Variants in TMEM260 observed in about 807,000 individuals in gnomAD.
TMEM260 encodes protein O-mannosyl-transferase TMEM260.
A neutral mutation model predicts 88.9 loss-of-function variants in TMEM260; 82 were observed. The ratio of observed to expected loss-of-function variants is 0.92; its 90% CI spans 0.77 to 1.11. The LOEUF is 1.11. Among genes scored for constraint, TMEM260 ranks in the 50% least tolerant of loss-of-function variants. TMEM260 has a pLI of 0.00. For synonymous variants in TMEM260, 314 were observed against 309.3 expected (o/e 1.02, Z -0.16); for missense variants, 902 against 853.4 (o/e 1.06, Z -0.71).
chr14:56,654,106 C>G (rs979069258), downstream of TMEM260, among the ~76,000 whole-genome samples: 1 of 152,154 alleles, frequency 6.6e-6, no homozygotes, highest in African/African-American at 2.4e-5. Context: ...GTTGAACTTT[C>G]CCCCTCTCCT....
downstream of TMEM260, among the ~76,000 whole-genome samples, chr14:56,653,269 G>A (rs1274561901): frequency 6.6e-6 from 1 of 152,132 alleles, no homozygotes; most frequent in Non-Finnish European, 1.5e-5. Context: ...ATTGTTTCAT[G>A]GAACCTTCAG....
chr14:56,621,753 T>A (rs752930672), intron 11 of TMEM260, 51 bp downstream of exon 11: 15 of 1,509,322 alleles, frequency 9.9e-6, no homozygotes, highest in Non-Finnish European at 1.3e-5. Context: ...TAAAAACATA[T>A]GTTTTGGAAA....
At position 56,636,501 on chromosome 14, in the gene TMEM260, C is replaced by A. The variant is rs142825835; in HGVS notation, c.1779-7C>A. On this transcript the variant is annotated splice_polypyrimidine_tract_variant and splice_region_variant and intron_variant, in intron 14 of 15. Transcript: ENST00000261556. ...ATTTTAATGAAGGTTCCTATCCCCA[C>A]CCCCAGGATGAAAACACCGTTCTTC... The A allele has an allele frequency of 6.2e-7, 1 of 1,613,118 alleles. No individual in the cohort carries two copies. The highest frequency in any genetic ancestry group is 8.5e-7 in the Non-Finnish European group (1 of 1,179,354).
Position 56,603,929 on chromosome 14 carries a change from G to A in TMEM260, c.459G>A (p.Val153=). The change falls in exon 4 of 16, where the codon GTG becomes GTA. Residue 153 remains valine, a synonymous_variant. Transcript: ENST00000261556. ...TTTTTAGCTTAAACAATCTCTTTGT[G>A]GGGCTGCTTATGGCTCTTACTGTAC... ...AEVFSLNNLF[V]GLLMALTVHF... is the part of the protein sequence containing the mutation. The A allele has an allele frequency of 1.2e-6, 2 of 1,613,076 alleles. No individual in the cohort carries two copies. The highest frequency in any genetic ancestry group is 8.5e-7 in the Non-Finnish European group (1 of 1,179,604).
chr14:56,635,166 A>G (rs1277600708), intron 14 of TMEM260, among the ~76,000 whole-genome samples: 3 of 152,222 alleles, frequency 2.0e-5, no homozygotes, highest in Non-Finnish European at 2.9e-5. Flanking sequence ...TCCCCATTTT[A>G]TAAAAGAACA....
chr14:56,621,136 C>G (rs2139597609), intron 10 of TMEM260, among the ~76,000 whole-genome samples: 1 of 151,996 alleles, frequency 6.6e-6, no homozygotes, highest in Admixed American at 6.5e-5. Flanking sequence ...GGCAGATTTC[C>G]TTTTGCATTT....
In TMEM260 at chr14:56,605,799, A is replaced by G. The variant is rs541594173; in HGVS notation, c.636+116A>G. 3,203 of 631,294 alleles carry G rather than the reference A, an allele frequency of 5.1e-3. 107 individuals are homozygous for G. The South Asian group carries it at 0.053, about 10-fold the overall frequency. 39.1% of individuals were successfully genotyped at this position (631,294 alleles called of 1,614,324 possible). A position where few individuals can be genotyped will look rare whatever the true frequency, so the allele number is the denominator to read the frequency against. On this transcript the variant is annotated intron_variant, in intron 5 of 15. Transcript: ENST00000261556. Reference sequence around the variant, plus strand: ...TTTCTTGGGTTTCATGTAAAGCATAAATAACCCTAGGGCCTAACAATATTG... The same window carrying G: ...TTTCTTGGGTTTCATGTAAAGCATAGATAACCCTAGGGCCTAACAATATTG...
At chr14:56,610,218 TA>T (rs536897930) in intron 6 of TMEM260, among the ~76,000 whole-genome samples, 4 of 151,986 alleles carry the variant, frequency 2.6e-5, no homozygotes, top group Admixed American at 2.6e-4. Context: ...TGTTTCTTTT[TA>T]AAAAAAAGAA....
At chr14:56,645,507 G>T (rs1024665004) in intron 15 of TMEM260, among the ~76,000 whole-genome samples, 2 of 62,250 alleles carry the variant, frequency 3.2e-5, no homozygotes, top group East Asian at 1.5e-3. Context: ...GTGGGGGTAG[G>T]GGGGAGGGAT....
Position 56,609,818 on chromosome 14 carries a change from T to G in TMEM260, c.816+533T>G, listed in dbSNP as rs570594878. On this transcript the variant is annotated intron_variant, in intron 6 of 15. Transcript: ENST00000261556. ...GTGCTCCAAAGAAGTTCAAAAGGCC[T>G]TGCTTTTCCTAAGACATATTAGGGG... Among the ~76,000 whole-genome samples, 35 of 152,330 alleles carry G rather than the reference T, an allele frequency of 2.3e-4. No individual in the cohort carries two copies. The East Asian group carries it at 6.8e-3, about 29-fold the overall frequency.
chr14:56,619,298 G>A (rs1887770974), intron 10 of TMEM260: 1 of 154,068 alleles, frequency 6.5e-6, no homozygotes, highest in Non-Finnish European at 1.4e-5. Flanking sequence ...AGCCTCCTCA[G>A]TAGCTAGGAC....
downstream of TMEM260, chr14:56,650,261 A>G (rs1958530): frequency 0.9 from 299,626 of 333,472 alleles, 134,830 homozygotes; most frequent in East Asian, 1. Context: ...TTCGGCCTGA[A>G]GAGCCAGTGG....
chr14:56,581,477 T>C (rs1431044112), intron 1 of TMEM260, among the ~76,000 whole-genome samples: 2 of 152,210 alleles, frequency 1.3e-5, no homozygotes, highest in Non-Finnish European at 2.9e-5. Flanking sequence ...AACTTTATAG[T>C]TGTGAGTTTT....
At chr14:56,632,495 G>A (rs1165384402) in intron 12 of TMEM260, among the ~76,000 whole-genome samples, 1 of 152,116 alleles carries the variant, frequency 6.6e-6, no homozygotes, top group Non-Finnish European at 1.5e-5. Flanking sequence ...AGACCTGGGG[G>A]ATTCCCTCCA....
intron 3 of TMEM260, among the ~76,000 whole-genome samples, chr14:56,587,687 G>A (rs1384998395): frequency 6.6e-6 from 1 of 151,918 alleles, no homozygotes; most frequent in Non-Finnish European, 1.5e-5. Flanking sequence ...TTTCAGAAAA[G>A]GGATCTAACA....
chr14:56,587,868 CAGT>C (rs1885607767), intron 3 of TMEM260, among the ~76,000 whole-genome samples: 1 of 152,058 alleles, frequency 6.6e-6, no homozygotes, highest in Non-Finnish European at 1.5e-5. Flanking sequence ...ATAGGACTAA[CAGT>C]AGCCTATTGA....
intron 3 of TMEM260, among the ~76,000 whole-genome samples, chr14:56,603,415 A>AT (rs1886418521): frequency 6.6e-6 from 1 of 152,102 alleles, no homozygotes. Context: ...CTGAATAAAT[A>AT]TTTTTTCATT....
At chr14:56,592,864 G>A (rs539476715) in intron 3 of TMEM260, among the ~76,000 whole-genome samples, 3 of 152,282 alleles carry the variant, frequency 2.0e-5, no homozygotes, top group South Asian at 2.1e-4. Context: ...TGTACCTTCC[G>A]TGTTGGGTTC....
chr14:56,591,426 A>G (rs1248973395), intron 3 of TMEM260, among the ~76,000 whole-genome samples: 1 of 152,186 alleles, frequency 6.6e-6, no homozygotes, highest in Non-Finnish European at 1.5e-5. Flanking sequence ...TGTTGACTTT[A>G]GTTATTTGGA....
Sources: allele counts gnomAD v4.1 joint callset (sites outside exome capture counted in the v4.1 genomes callset), GRCh38; gene constraint gnomAD v4.1.1; transcripts MANE v1.5; gene names NCBI Gene and HGNC (gene_info 2026-07-23, HGNC 2026-07-21).